The following NKAIN2 variants were observed in gnomAD, a reference collection of about 807,000 sequenced individuals.
NKAIN2 encodes the protein sodium/potassium-transporting ATPase subunit beta-1-interacting protein 2.
NKAIN2 carries 14 observed loss-of-function variants against 32.6 expected under a neutral mutation model. The ratio of observed to expected loss-of-function variants is 0.43; its 90% CI spans 0.28 to 0.67. The LOEUF (loss-of-function observed/expected upper bound fraction) is 0.67. Among genes scored for constraint, NKAIN2 ranks in the 30% least tolerant of loss-of-function variants. The pLI is 0.17. For synonymous variants in NKAIN2, 80 were observed against 87.2 expected, an observed-to-expected ratio of 0.92 and a Z score of 0.46; for missense variants, 198 against 258.3, an observed-to-expected ratio of 0.77 and a Z score of 1.60.
intron 1 of NKAIN2, among the ~76,000 whole-genome samples, chr6:124,144,892 A>G (rs745498607): frequency 3.9e-5 from 6 of 152,198 alleles, no homozygotes; most frequent in Non-Finnish European, 5.9e-5. Context: ...TACAAAGAGA[A>G]AAAGCTAGTA....
At chr6:123,998,675 T>C (rs1358816490) in intron 1 of NKAIN2, among the ~76,000 whole-genome samples, 1 of 151,802 alleles carries the variant, frequency 6.6e-6, no homozygotes, top group Non-Finnish European at 1.5e-5. Context: ...ATAGTCAAGA[T>C]ATGGAAACAC....
At chr6:124,434,075 A>G (rs943139587) in intron 3 of NKAIN2, among the ~76,000 whole-genome samples, 2 of 152,110 alleles carry the variant, frequency 1.3e-5, no homozygotes, top group East Asian at 3.9e-4. Context: ...CCAGCCCCCT[A>G]TGTGCTCAGA....
intron 6 of NKAIN2, among the ~76,000 whole-genome samples, chr6:124,822,985 T>G (rs768208244): frequency 6.6e-6 from 1 of 152,228 alleles, no homozygotes; most frequent in Non-Finnish European, 1.5e-5. Flanking sequence ...AAGTACATAT[T>G]CATTTCAGTT....
intron 4 of NKAIN2, 128 bp from the exon 5 acceptor site, chr6:124,791,211 C>A: frequency 1.7e-6 from 1 of 575,104 alleles, no homozygotes; most frequent in Non-Finnish European, 3.3e-6. Context: ...AAGGTCCAGT[C>A]CGATGAGCCA....
At chr6:124,422,125 A>T (rs1488042890) in intron 3 of NKAIN2, among the ~76,000 whole-genome samples, 1 of 152,164 alleles carries the variant, frequency 6.6e-6, no homozygotes, top group Admixed American at 6.5e-5. Flanking sequence ...TTTATGGTAT[A>T]AAATATTAAA....
At chr6:124,687,637 T>C (rs1287040882) in intron 4 of NKAIN2, among the ~76,000 whole-genome samples, 1 of 28,760 alleles carries the variant, frequency 3.5e-5, no homozygotes, top group Non-Finnish European at 7.4e-5. Flanking sequence ...TATTTATATA[T>C]GGAATATATA....
intron 1 of NKAIN2, among the ~76,000 whole-genome samples, chr6:124,045,328 T>C (rs1782066594): frequency 6.6e-6 from 1 of 151,964 alleles, no homozygotes; most frequent in Admixed American, 6.6e-5. Context: ...GCTGAATAAA[T>C]ACTGGTTGAA....
At chr6:123,959,921 ATATATGTGTG>A (rs1449533645) in intron 1 of NKAIN2, among the ~76,000 whole-genome samples, 1 of 131,768 alleles carries the variant, frequency 7.6e-6, no homozygotes, top group African/African-American at 3.1e-5. Context: ...TATGTCTTCC[ATATATGTGTG>A]TGTGTGTGTG....
At chr6:124,791,222 T>C (rs938969780) in intron 4 of NKAIN2, 117 bp from the exon 5 acceptor site, 3 of 627,254 alleles carry the variant, frequency 4.8e-6, no homozygotes, top group Non-Finnish European at 9.0e-6. Context: ...CGATGAGCCA[T>C]GTTGGTTGGA....
At chr6:124,598,485 G>C (rs893199224) in intron 3 of NKAIN2, among the ~76,000 whole-genome samples, 3 of 152,070 alleles carry the variant, frequency 2.0e-5, no homozygotes, top group Non-Finnish European at 4.4e-5. Context: ...GGAAAAGGGA[G>C]TTAATGGTAG....
intron 1 of NKAIN2, among the ~76,000 whole-genome samples, chr6:123,985,733 A>T (rs1344408115): frequency 6.6e-6 from 1 of 152,170 alleles, no homozygotes; most frequent in Admixed American, 6.5e-5. Flanking sequence ...TTTGGTTTCA[A>T]TTGAGGGTGC....
At chr6:124,215,383 G>T (rs1791412624) in intron 1 of NKAIN2, among the ~76,000 whole-genome samples, 1 of 151,860 alleles carries the variant, frequency 6.6e-6, no homozygotes, top group South Asian at 2.1e-4. Flanking sequence ...ATACAAAAAA[G>T]AATTACAGAT....
intron 3 of NKAIN2, among the ~76,000 whole-genome samples, chr6:124,447,510 G>C (rs775227752): frequency 2.0e-5 from 3 of 152,022 alleles, no homozygotes; most frequent in Admixed American, 1.3e-4. Context: ...ATAAAATTTC[G>C]GTCACAACAA....
intron 3 of NKAIN2, among the ~76,000 whole-genome samples, chr6:124,561,099 C>A (rs550718450): frequency 6.6e-6 from 1 of 151,900 alleles, no homozygotes; most frequent in East Asian, 1.9e-4. Flanking sequence ...TGTTTCAGGG[C>A]ACAGAGCAAC....
At chr6:123,884,491 G>T (rs535521210) in intron 1 of NKAIN2, among the ~76,000 whole-genome samples, 6 of 151,990 alleles carry the variant, frequency 3.9e-5, no homozygotes, top group South Asian at 2.1e-4. Context: ...TATGTGGGTG[G>T]GTGTGTGTGT....
chr6:123,839,411 C>A (rs1337662394), intron 1 of NKAIN2, among the ~76,000 whole-genome samples: 1 of 152,094 alleles, frequency 6.6e-6, no homozygotes, highest in Non-Finnish European at 1.5e-5. Flanking sequence ...GATTAGCAGA[C>A]AATCTTTAGA....
intron 3 of NKAIN2, among the ~76,000 whole-genome samples, chr6:124,635,487 C>G (rs1783740475): frequency 1.3e-5 from 2 of 152,008 alleles, no homozygotes; most frequent in African/African-American, 2.4e-5. Context: ...ACAACCTTGA[C>G]TGTAAACAGT....
chr6:124,815,206 G>A (rs1445260758), intron 5 of NKAIN2, among the ~76,000 whole-genome samples: 2 of 106,338 alleles, frequency 1.9e-5, no homozygotes, highest in African/African-American at 3.2e-5. Flanking sequence ...AAAATCCCCA[G>A]TCTTAAACTA....
chr6:123,935,794 G>C (rs1776477069), intron 1 of NKAIN2, among the ~76,000 whole-genome samples: 1 of 152,036 alleles, frequency 6.6e-6, no homozygotes, highest in Admixed American at 6.6e-5. Context: ...CATGGAAACT[G>C]TGCTACATTT....
Sources: gnomAD v4.1 joint callset for allele counts (sites outside exome capture counted in the v4.1 genomes callset) on GRCh38, gnomAD v4.1.1 for gene constraint, MANE v1.5 for transcripts, NCBI Gene and HGNC (gene_info 2026-07-23, HGNC 2026-07-21) for gene names.